The following RABGEF1 variants were observed in gnomAD, a reference collection of about 807,000 sequenced individuals.
RABGEF1 encodes RAB guanine nucleotide exchange factor 1, also known as rab5 GDP/GTP exchange factor.
In RABGEF1, 26 loss-of-function variants were observed where a neutral mutation model predicts 57.3. The ratio of observed to expected loss-of-function variants is 0.45; its 90% CI spans 0.33 to 0.63. The LOEUF is 0.63. Among genes scored for constraint, RABGEF1 ranks in the 20% least tolerant of loss-of-function variants. The pLI, the probability that RABGEF1 is intolerant of heterozygous loss-of-function variation, is 0.02. For missense variants in RABGEF1, 464 were observed against 607.6 expected (o/e 0.76, Z 2.48); for synonymous variants, 185 against 210.7 (o/e 0.88, Z 1.06).
chr7:66,737,189 C>T (rs980874660), upstream of RABGEF1, among the ~76,000 whole-genome samples: 1 of 151,940 alleles, frequency 6.6e-6, no homozygotes, highest in Non-Finnish European at 1.5e-5. Context: ...CTTGACCTCC[C>T]AAAATGCTGG....
At chr7:66,687,372 C>G (rs1255814594) in intron 1 of RABGEF1, among the ~76,000 whole-genome samples, 2 of 151,404 alleles carry the variant, frequency 1.3e-5, no homozygotes, top group African/African-American at 4.9e-5. Flanking sequence ...GTGATCCATC[C>G]TCCTCGGCCT....
At chr7:66,700,645 A>C (rs1793116083) in intron 1 of RABGEF1, among the ~76,000 whole-genome samples, 1 of 152,200 alleles carries the variant, frequency 6.6e-6, no homozygotes, top group African/African-American at 2.4e-5. Flanking sequence ...CAGGGGGCCC[A>C]GGCTTTCCCT....
intron 1 of RABGEF1, among the ~76,000 whole-genome samples, chr7:66,703,204 A>C (rs1793549570): frequency 6.6e-6 from 1 of 151,962 alleles, no homozygotes; most frequent in Non-Finnish European, 1.5e-5. Context: ...TCATCTCCTG[A>C]CCTCGTGCCC....
At chr7:66,783,336 G>A (rs750730172) in intron 3 of RABGEF1, among the ~76,000 whole-genome samples, 1 of 152,222 alleles carries the variant, frequency 6.6e-6, no homozygotes, top group African/African-American at 2.4e-5. Flanking sequence ...AACTCCAGCA[G>A]TCTTTGAGAA....
chr7:66,721,557 T>C (rs1158929359), intron 2 of RABGEF1, among the ~76,000 whole-genome samples: 2 of 152,222 alleles, frequency 1.3e-5, no homozygotes, highest in East Asian at 3.9e-4. Flanking sequence ...CTGGCACTTA[T>C]CTCTGCTTCC....
chr7:66,742,136 G>A (rs1452189038), intron 1 of RABGEF1, among the ~76,000 whole-genome samples: 3 of 147,056 alleles, frequency 2.0e-5, no homozygotes, highest in Non-Finnish European at 4.5e-5. Flanking sequence ...GGGCGACAGA[G>A]CTAGACTCTA....
At chr7:66,750,273 G>A (rs1801121447) in intron 1 of RABGEF1, among the ~76,000 whole-genome samples, 1 of 152,198 alleles carries the variant, frequency 6.6e-6, no homozygotes, top group Non-Finnish European at 1.5e-5. Context: ...CAATGGCAAA[G>A]TGTTTTCATA....
In RABGEF1 at chr7:66,811,019, A is replaced by G. The variant is rs1275792674; in HGVS notation, c.*1735A>G. 1.3e-5 allele frequency: 2 copies of G among 152,234 alleles called. No individual in the cohort carries two copies. Among genetic ancestry groups the G allele is most frequent in the Non-Finnish European group, 2.9e-5 (2 of 68,040 alleles). The allele number at this position is 152,234 out of a possible 1,614,324, so 9.4% of individuals were successfully genotyped here. A position where few individuals can be genotyped will look rare whatever the true frequency, so the allele number is the denominator to read the frequency against. Reference sequence around the variant, plus strand: ...ATGCCAGTGAGAATCTTCTTATAGAATAACCTGGGCCCAAGTGATTTTAGT... The same window carrying G: ...ATGCCAGTGAGAATCTTCTTATAGAGTAACCTGGGCCCAAGTGATTTTAGT... On this transcript the variant is annotated 3_prime_UTR_variant, in exon 9 of 9. Transcript: ENST00000284957.
At chr7:66,693,567 T>C (rs1277789248) in intron 1 of RABGEF1, among the ~76,000 whole-genome samples, 3 of 151,720 alleles carry the variant, frequency 2.0e-5, no homozygotes, top group East Asian at 3.9e-4. Context: ...TCCCAGGCCC[T>C]CACCCACCCT....
chr7:66,689,704 AG>A (rs1459299509), intron 1 of RABGEF1, among the ~76,000 whole-genome samples: 1 of 151,898 alleles, frequency 6.6e-6, no homozygotes, highest in Non-Finnish European at 1.5e-5. Flanking sequence ...TCGGAGGCTG[AG>A]GCAGGAGAAT....
chr7:66,754,012 T>C (rs568745027), intron 1 of RABGEF1, among the ~76,000 whole-genome samples: 1 of 149,666 alleles, frequency 6.7e-6, no homozygotes, highest in African/African-American at 2.4e-5. Flanking sequence ...GCCATTTTTT[T>C]TTTTTTTTGA....
At chr7:66,694,254 G>C (rs1427949573) in intron 1 of RABGEF1, among the ~76,000 whole-genome samples, 1 of 152,244 alleles carries the variant, frequency 6.6e-6, no homozygotes, top group Admixed American at 6.5e-5. Flanking sequence ...AGTAAAGGGT[G>C]CCACGGGAAT....
intron 2 of RABGEF1, among the ~76,000 whole-genome samples, chr7:66,722,969 CTTTTT>C (rs1479814681): frequency 6.6e-6 from 1 of 151,766 alleles, no homozygotes; most frequent in African/African-American, 2.4e-5. Context: ...TGTTTCTTTT[CTTTTT>C]TTCTTTTTTT....
the RABGEF1 span, among the ~76,000 whole-genome samples, chr7:66,666,699 G>C: frequency 2.0e-4 from 31 of 152,338 alleles, no homozygotes; most frequent in Admixed American, 7.2e-4. Context: ...CAACACCCTT[G>C]CTCTTTATCT....
chr7:66,793,882 G>T (rs1042498729), intron 4 of RABGEF1, among the ~76,000 whole-genome samples: 5 of 152,222 alleles, frequency 3.3e-5, no homozygotes, highest in African/African-American at 1.2e-4. Flanking sequence ...GGCGTGTGAG[G>T]TCAGTGGCCT....
chr7:66,749,684 C>G (rs1418155429), intron 1 of RABGEF1, among the ~76,000 whole-genome samples: 1 of 151,990 alleles, frequency 6.6e-6, no homozygotes, highest in Non-Finnish European at 1.5e-5. Context: ...TAAAAACAAA[C>G]AAACAGGCCA....
rs138815918 is a variant in RABGEF1, at chr7:66,686,884, C to T, written c.-873+4626C>T. Among the ~76,000 whole-genome samples the T allele has an allele frequency of 9.4e-3, 1,420 of 151,250 alleles. 64 individuals carry two copies. The highest frequency in any genetic ancestry group is 0.072 in the Admixed American group (1,087 of 15,176). On this transcript the variant is annotated intron_variant and NMD_transcript_variant, in intron 1 of 9. Transcript: ENST00000607882. ...TTGCCCAGGCTATAGTGCAGTGGCG[C>T]GATCTCGGCTCACTGCAAGCTCCGC...
At chr7:66,736,899 T>G (rs1336321383), upstream of RABGEF1, among the ~76,000 whole-genome samples, 25 of 152,218 alleles carry the variant, frequency 1.6e-4, no homozygotes, top group African/African-American at 6.0e-4. Context: ...TTTATTTATC[T>G]AATTATACAC....
At chr7:66,754,460 T>C (rs1330006706) in intron 1 of RABGEF1, among the ~76,000 whole-genome samples, 1 of 152,140 alleles carries the variant, frequency 6.6e-6, no homozygotes, top group East Asian at 1.9e-4. Context: ...GTTGAGAATT[T>C]AGCCCAGGCA....
Sources: gnomAD v4.1 joint callset for allele counts (sites outside exome capture counted in the v4.1 genomes callset) on GRCh38, gnomAD v4.1.1 for gene constraint, MANE v1.5 for transcripts, NCBI Gene and HGNC (gene_info 2026-07-23, HGNC 2026-07-21) for gene names.